IARS2: variants seen among roughly 807,000 people sequenced by gnomAD.
The protein encoded by IARS2 is isoleucyl-tRNA synthetase 2, mitochondrial.
IARS2 carries 56 observed loss-of-function variants against 126.3 expected under a neutral mutation model. The ratio of observed to expected loss-of-function variants is 0.44; its 90% CI spans 0.36 to 0.55. The LOEUF (loss-of-function observed/expected upper bound fraction) is 0.55. Ranked by LOEUF, IARS2 falls within the 20% of genes least tolerant of loss-of-function variation. The probability of loss-of-function intolerance (pLI) is 0.00; values close to 1 mark genes in which losing one functional copy is unlikely to be tolerated. For missense variants in IARS2, 1,127 were observed against 1,245.9 expected (o/e 0.90, Z 1.44); for synonymous variants, 407 against 441.1 (o/e 0.92, Z 0.97).
At chr1:220,124,936 G>A (rs756671622) in intron 12 of IARS2, among the ~76,000 whole-genome samples, 7 of 152,112 alleles carry the variant, frequency 4.6e-5, no homozygotes, top group Non-Finnish European at 8.8e-5. Context: ...AGAATGTGTT[G>A]GTTTAATTTA....
At position 220,143,100 on chromosome 1, in the gene IARS2, T is replaced by C. The variant is rs1657522107; in HGVS notation, c.2717T>C (p.Val906Ala). The change falls in exon 21 of 23, where the codon GTG becomes GCG. Residue 906 changes from valine (V) to alanine (A), a missense_variant. By Grantham distance (64) the Val-to-Ala change is moderately conservative. Transcript: ENST00000366922. ...GCAGCTGAGTACAAGGTTATCACTG[T>C]GATAGAACCTGGACTGCTTTTTGAG... is the stretch of plus-strand genomic sequence containing the variant. The part of the protein sequence containing the change: ...KNAAEYKVIT[V>A]IEPGLLFEII... The C allele has an allele frequency of 6.2e-7, 1 of 1,613,924 alleles. No homozygotes were observed. The highest frequency in any genetic ancestry group is 1.3e-5 in the African/African-American group (1 of 74,930).
intron 14 of IARS2, among the ~76,000 whole-genome samples, chr1:220,127,134 C>T (rs972087637): frequency 1.3e-5 from 2 of 152,194 alleles, no homozygotes; most frequent in Non-Finnish European, 2.9e-5. Context: ...TTGGCAACCC[C>T]AAGGCACCCA....
intron 17 of IARS2, 80 bp downstream of exon 17, chr1:220,138,123 G>T: frequency 6.7e-7 from 1 of 1,481,714 alleles, no homozygotes; most frequent in Non-Finnish European, 9.3e-7. Context: ...CATTTTGTTT[G>T]GAACTGAAAA....
intron 2 of IARS2, among the ~76,000 whole-genome samples, chr1:220,096,735 C>T (rs1160802250): frequency 6.6e-6 from 1 of 152,064 alleles, no homozygotes; most frequent in East Asian, 1.9e-4. Context: ...GGAATTTGGT[C>T]ACTGAATGGG....
At position 220,145,758 on chromosome 1, in the gene IARS2, C is replaced by T. The variant is rs561451546; in HGVS notation, c.2896+105C>T. On this transcript the variant is annotated intron_variant, in intron 22 of 22. Coordinates refer to ENST00000366922, the MANE Select transcript of IARS2 (RefSeq NM_018060.4). Reference sequence around the variant, plus strand: ...GGTTTATTCTAAAGGTAGATATATACTTGGAATACATCTTTCTATGGAAAT... The same window carrying T: ...GGTTTATTCTAAAGGTAGATATATATTTGGAATACATCTTTCTATGGAAAT... The T allele has an allele frequency of 3.0e-4, 259 of 864,896 alleles. 1 individual carries two copies. Among genetic ancestry groups the T allele is most frequent in the Non-Finnish European group, 4.1e-4 (244 of 595,678 alleles). The allele number at this position is 864,896 out of a possible 1,614,324, so 53.6% of individuals were successfully genotyped here. A position where few individuals can be genotyped will look rare whatever the true frequency, so the allele number is the denominator to read the frequency against.
intron 12 of IARS2, among the ~76,000 whole-genome samples, chr1:220,114,903 C>G (rs1656883300): frequency 6.6e-6 from 1 of 150,986 alleles, no homozygotes; most frequent in Non-Finnish European, 1.5e-5. Context: ...TAGTTAAATG[C>G]ACATGATTAC....
intron 22 of IARS2, 87 bp downstream of exon 22, chr1:220,145,740 TCTAAA>T: frequency 8.9e-7 from 1 of 1,125,542 alleles, no homozygotes; most frequent in Non-Finnish European, 1.2e-6. Context: ...CTGGGTTTAT[TCTAAA>T]GGTAGATATA....
In IARS2 at chr1:220,102,158, A is replaced by G. The variant is rs745600952; in HGVS notation, c.580A>G (p.Lys194Glu). 10 of 1,606,056 alleles carry G rather than the reference A, an allele frequency of 6.2e-6. No homozygotes were observed. Among genetic ancestry groups the G allele is most frequent in the South Asian group, 1.1e-5 (1 of 88,848 alleles). Residue 194 changes from lysine (K) to glutamate (E), a missense_variant, in exon 4 of 23, where the codon AAA (lysine) becomes GAA (glutamate). Lys to Glu is a moderately conservative substitution (Grantham distance 56). Transcript: ENST00000366922. The stretch of plus-strand genomic sequence containing the variant: ...ATCATTTGCTAAAGCAGCCATTGAG[A>G]AACAGAAATCAGCATTTATTCGTTG... The part of the protein sequence containing the change: ...ARSFAKAAIE[K>E]QKSAFIRWGI...
intron 13 of IARS2, among the ~76,000 whole-genome samples, chr1:220,126,243 C>T (rs927569811): frequency 2.0e-5 from 3 of 152,104 alleles, no homozygotes; most frequent in Non-Finnish European, 4.4e-5. Flanking sequence ...CCATTGCACT[C>T]CAGGCTGGGC....
rs185430526 is a variant in IARS2, at chr1:220,144,276, C to T, written c.2751+1142C>T. The T allele has an allele frequency of 3.9e-4, 299 of 763,150 alleles. No individual in the cohort carries two copies. In the African/African-American group the frequency reaches 4.4e-3, roughly 11 times the overall value. 47.3% of individuals were successfully genotyped at this position (763,150 alleles called of 1,614,324 possible). On this transcript the variant is annotated intron_variant, in intron 21 of 22. Transcript: ENST00000366922. ...TGACTTTGGAGCACGGCCTAATAAG[C>T]ACCTGGCTTTTGCCTCTCTTTTTGG...
rs756393373 is a variant in IARS2 at position 220,102,395 on chromosome 1, T to G, written c.732T>G (p.Phe244Leu). The G allele has an allele frequency of 1.2e-6, 2 of 1,613,908 alleles. No individual in the cohort carries two copies. Among genetic ancestry groups the G allele is most frequent in the South Asian group, 2.2e-5 (2 of 90,992 alleles). ...TTTATCGATCTTACAAACCTGTGTT[T>G]TGGTCTCCGTCATCTAGGTATATAT... The part of the protein sequence containing the change: ...GLVYRSYKPV[F>L]WSPSSRTALA... The change falls in exon 5 of 23, where the codon TTT (phenylalanine) becomes TTG (leucine). Residue 244 changes from phenylalanine (F) to leucine (L), a missense_variant. Transcript: ENST00000366922.
chr1:220,129,844 G>C (rs933857960), intron 14 of IARS2, among the ~76,000 whole-genome samples: 1 of 152,174 alleles, frequency 6.6e-6, no homozygotes, highest in Non-Finnish European at 1.5e-5. Context: ...TGGATATGCT[G>C]ATTTTATTTC....
chr1:220,113,900 TA>T (rs1656862540), intron 11 of IARS2, among the ~76,000 whole-genome samples: 1 of 152,258 alleles, frequency 6.6e-6, no homozygotes, highest in African/African-American at 2.4e-5. Flanking sequence ...GATAGTAATT[TA>T]TTTTTTAAGC....
intron 22 of IARS2, among the ~76,000 whole-genome samples, chr1:220,146,535 A>AAAAAAAAAC (rs1657596116): frequency 7.0e-6 from 1 of 143,574 alleles, no homozygotes; most frequent in Non-Finnish European, 1.6e-5. Flanking sequence ...AAAAAAAAAA[A>AAAAAAAAAC]AAAAGCAGGT....
At chr1:220,131,413 G>A (rs906652323) in intron 14 of IARS2, among the ~76,000 whole-genome samples, 16 of 151,762 alleles carry the variant, frequency 1.1e-4, no homozygotes, top group Admixed American at 2.6e-4. Context: ...GTGCAATGGC[G>A]TGACCTGGGC....
chr1:220,099,027 A>G (rs1489008499), intron 2 of IARS2, among the ~76,000 whole-genome samples: 4 of 152,006 alleles, frequency 2.6e-5, no homozygotes, highest in African/African-American at 4.8e-5. Context: ...CCTGACCAAC[A>G]TGGTAAAACC....
rs565659901 is a variant in IARS2 at position 220,105,960 on chromosome 1, C to T, written c.1136C>T (p.Ala379Val). 6.2e-7 allele frequency: 1 copy of T among 1,613,952 alleles called. No individual in the cohort carries two copies. Among genetic ancestry groups the T allele is most frequent in the South Asian group, 1.1e-5 (1 of 91,074 alleles). ...IPDKASPLLP[A>V]NHVTMAKGTG... ...GATAAAGCCTCTCCTCTTTTACCTG[C>T]AAATCATGTGACCATGGCAAAAGGA... Residue 379 changes from alanine to valine, a missense_variant, in exon 9 of 23, where the codon GCA becomes GTA. Physicochemically the swap from Ala to Val is moderately conservative, Grantham distance 64. Transcript: ENST00000366922.
In IARS2 at chr1:220,102,350, T is replaced by C; in HGVS notation, c.700-13T>C. On this transcript the variant is annotated splice_polypyrimidine_tract_variant and intron_variant, in intron 4 of 22. Transcript: ENST00000366922. The stretch of plus-strand genomic sequence containing the variant: ...AGATTCTACTTTTAACATCATATTT[T>C]TGTCTTTTATAGGGCTTGGTTTATC... 6.2e-7 allele frequency: 1 copy of C among 1,613,088 alleles called. No homozygotes were observed. The highest frequency in any genetic ancestry group is 1.3e-5 in the African/African-American group (1 of 74,962).
chr1:220,111,327 G>C (rs1471717132), intron 11 of IARS2, among the ~76,000 whole-genome samples: 1 of 152,062 alleles, frequency 6.6e-6, no homozygotes, highest in Non-Finnish European at 1.5e-5. Context: ...CGAGTTTCCA[G>C]AATATGGTCT....
Sources: gnomAD v4.1 joint callset for allele counts (sites outside exome capture counted in the v4.1 genomes callset) on GRCh38, gnomAD v4.1.1 for gene constraint, MANE v1.5 for transcripts, NCBI Gene and HGNC (gene_info 2026-07-23, HGNC 2026-07-21) for gene names.